ARAP1: variants seen among roughly 807,000 people sequenced by gnomAD.
ARAP1 encodes the protein ArfGAP with RhoGAP domain, ankyrin repeat and PH domain 1.
ARAP1 carries 76 observed loss-of-function variants against 172.2 expected under a neutral mutation model. The observed-to-expected ratio is 0.44, with a 90% confidence interval of 0.37 to 0.53. ARAP1 has a LOEUF of 0.53. Among genes scored for constraint, ARAP1 ranks in the 20% least tolerant of loss-of-function variants. ARAP1 has a pLI of 0.00. For missense variants in ARAP1, 1,686 were observed against 1,977.5 expected (o/e 0.85, Z 2.80); for synonymous variants, 804 against 803.3 (o/e 1.00, Z -0.01).
rs781112341 is a variant in ARAP1, at chr11:72,693,434, T to C, written c.3845A>G (p.Lys1282Arg). 15 of 1,613,656 alleles carry C rather than the reference T, an allele frequency of 9.3e-6. No individual in the cohort carries two copies. The highest frequency in any genetic ancestry group is 1.3e-5 in the Non-Finnish European group (15 of 1,179,768). Residue 1282 changes from lysine to arginine, a missense_variant, in exon 29 of 35, where the codon AAG becomes AGG. By Grantham distance (26) the Lys-to-Arg change is conservative (BLOSUM62 2). Transcript: ENST00000393609. The surrounding 1 kb of genome is among the most constrained non-coding windows in gnomAD (Gnocchi z 4.6). Reference sequence around the variant, plus strand: ...CAGGAGGCTGCGGTCCTCACGGAACTTCATCATGCCATGCTTGGTGTCACC... The same window carrying C: ...CAGGAGGCTGCGGTCCTCACGGAACCTCATCATGCCATGCTTGGTGTCACC... ...RVGDTKHGMMKFREDRSLLGL... is the reference protein window; with the variant it reads ...RVGDTKHGMMRFREDRSLLGL...
At position 72,703,032 on chromosome 11, in the gene ARAP1, C is replaced by A; in HGVS notation, c.2040G>T (p.Ala680=). ...VTTTDLAETQ[A]LLGCGAGINC... The stretch of plus-strand genomic sequence containing the variant: ...TGATCCCAGCCCCACAGCCCAGGAG[C>A]GCCTGGGTCTCAGCCAGGTCTGTGG... The change falls in exon 15 of 35, where the codon GCG becomes GCT. Residue 680 remains alanine, a synonymous_variant. Transcript: ENST00000393609. The A allele has an allele frequency of 6.3e-7, 1 of 1,596,390 alleles. No individual in the cohort carries two copies. Among genetic ancestry groups the A allele is most frequent in the Non-Finnish European group, 8.5e-7 (1 of 1,172,828 alleles).
chr11:72,713,653 C>T (rs1396512563), intron 4 of ARAP1, among the ~76,000 whole-genome samples: 1 of 152,092 alleles, frequency 6.6e-6, no homozygotes, highest in Non-Finnish European at 1.5e-5. Context: ...CGAGACCATC[C>T]TGGCTAACAC....
intron 19 of ARAP1, 30 bp downstream of exon 19, chr11:72,697,881 A>G: frequency 1.3e-6 from 2 of 1,537,528 alleles, no homozygotes; most frequent in South Asian, 2.5e-5. Flanking sequence ...GGTGCCCTGG[A>G]GGCTGGGGGC....
chr11:72,696,914 G>A, intron 22 of ARAP1, 69 bp downstream of exon 22: 1 of 1,490,678 alleles, frequency 6.7e-7, no homozygotes, highest in South Asian at 1.2e-5. Context: ...AGTGCCACAA[G>A]GGAAGGGCGC....
intron 1 of ARAP1, among the ~76,000 whole-genome samples, chr11:72,733,569 C>T (rs1005028798): frequency 2.0e-5 from 3 of 152,256 alleles, no homozygotes; most frequent in Middle Eastern, 3.4e-3. Flanking sequence ...GCTATGCAGA[C>T]AGCCGGAGCT....
chr11:72,693,478 G>A lies in ARAP1; in HGVS notation c.3809-8C>T, dbSNP rs1306242326. 1.2e-6 allele frequency: 2 copies of A among 1,611,832 alleles called. No homozygotes were observed. The highest frequency in any genetic ancestry group is 1.7e-6 in the Non-Finnish European group (2 of 1,178,690). On this transcript the variant is annotated splice_region_variant and splice_polypyrimidine_tract_variant and intron_variant, in intron 28 of 34. Transcript: ENST00000393609. The surrounding 1 kb of genome is among the most constrained non-coding windows in gnomAD (Gnocchi z 4.6). ...TGTCACCGACACGGCTGGCTGGGGG[G>A]TGGGACTGGAGTGGGCACAGGCTGC...
intron 3 of ARAP1, among the ~76,000 whole-genome samples, chr11:72,721,400 G>C (rs1591224285): frequency 6.6e-6 from 1 of 152,350 alleles, no homozygotes. Context: ...CCTTGAACTT[G>C]ACAGTGAAAT....
chr11:72,695,639 G>A lies in ARAP1; in HGVS notation c.3421-11C>T, dbSNP rs943225189. 6.2e-7 allele frequency: 1 copy of A among 1,614,008 alleles called. No individual in the cohort carries two copies. The highest frequency in any genetic ancestry group is 8.5e-7 in the Non-Finnish European group (1 of 1,179,996). On this transcript the variant is annotated splice_polypyrimidine_tract_variant and intron_variant, in intron 24 of 34. Transcript: ENST00000393609. The surrounding 1 kb of genome is among the most constrained non-coding windows in gnomAD (Gnocchi z 4.4). ...CTCTTCCTCATCCACCTGGGAAGGG[G>A]CGAGAGGCAGGGACAGGTGGTCACC...
In ARAP1 at chr11:72,695,095, G is replaced by A; in HGVS notation, c.3579C>T (p.Val1193=). ...KKAETEQHIK[V]PASMTAEELT... The stretch of plus-strand genomic sequence containing the variant: ...GCTCCTCAGCAGTCATGGATGCTGG[G>A]ACCTGCAAGGACCAAGGAGGAGATT... Residue 1193 remains valine, a splice_region_variant and synonymous_variant, in exon 27 of 35, where the codon GTC becomes GTT. Transcript: ENST00000393609. The surrounding 1 kb of genome is among the most constrained non-coding windows in gnomAD (Gnocchi z 4.4). 2 of 1,613,804 alleles carry A rather than the reference G, an allele frequency of 1.2e-6. No homozygotes were observed. Among genetic ancestry groups the A allele is most frequent in the South Asian group, 1.1e-5 (1 of 91,072 alleles).
intron 1 of ARAP1, among the ~76,000 whole-genome samples, chr11:72,742,409 T>C (rs1192739654): frequency 2.0e-5 from 3 of 152,100 alleles, no homozygotes; most frequent in Middle Eastern, 3.2e-3. Flanking sequence ...ATGTTACAGA[T>C]TAGGAAACAG....
At chr11:72,713,979 T>C (rs894056233) in intron 4 of ARAP1, among the ~76,000 whole-genome samples, 173 bp downstream of exon 4, 9 of 151,928 alleles carry the variant, frequency 5.9e-5, no homozygotes, top group African/African-American at 2.2e-4. Context: ...GTCTCCATTG[T>C]GAGGATGAAG....
rs199608630 is a variant in ARAP1, at chr11:72,702,913, C to A, written c.2159G>T (p.Arg720Leu). ...CCCTCTGCCACGCTCACCTGTGGTC[C>A]GGTTGTTCCGAAGGAATTCCATCTG... ...TLQMEFLRNN[R>L]TTEVPRLDSM... The change falls in exon 15 of 35, where the codon CGG (arginine) becomes CTG (leucine). Residue 720 changes from arginine (R) to leucine (L), a missense_variant. Physicochemically the swap from Arg to Leu is moderately radical, Grantham distance 102 (BLOSUM62 -2). Transcript: ENST00000393609. 4.1e-5 allele frequency: 64 copies of A among 1,554,108 alleles called. No homozygotes were observed. In the East Asian group the frequency reaches 1.4e-3, roughly 34 times the overall value.
rs1407649397 is a variant in ARAP1 at position 72,705,801 on chromosome 11, C to T, written c.1809+4G>A. 6.2e-7 allele frequency: 1 copy of T among 1,614,068 alleles called. No individual in the cohort carries two copies. Among genetic ancestry groups the T allele is most frequent in the Non-Finnish European group, 8.5e-7 (1 of 1,179,968 alleles). The stretch of plus-strand genomic sequence containing the variant: ...GTATCGGTGGCAAGCAGGGGCATCC[C>T]CACCTCGATAAGTGTTTCTGTCCAC... On this transcript the variant is annotated splice_donor_region_variant and intron_variant, in intron 13 of 34. Transcript: ENST00000393609.
rs1453575281 is a variant in ARAP1, at chr11:72,736,936, A to G, written c.-127-4339T>C. ...TGACTTCCTCCATGTCACTTCTCAC[A>G]GTAGGCACTGGCCTGGCAAACAGGG... On this transcript the variant is annotated intron_variant, in intron 1 of 34. Coordinates refer to ENST00000393609, the MANE Select transcript of ARAP1 (RefSeq NM_001040118.3). 3.3e-5 allele frequency among the ~76,000 whole-genome samples: 5 copies of G among 152,146 alleles called. No homozygotes were observed. In the East Asian group the frequency reaches 9.7e-4, roughly 29 times the overall value.
Position 72,727,094 on chromosome 11 carries a change from G to A in ARAP1, c.35C>T (p.Ala12Val). The A allele has an allele frequency of 1.3e-6, 2 of 1,595,800 alleles. No individual in the cohort carries two copies. The highest frequency in any genetic ancestry group is 1.3e-5 in the African/African-American group (1 of 74,724). ...AEAGDAALSV[A>V]EWLRALHLEQ... is the part of the protein sequence containing the mutation. ...CAGGTGCAATGCCCGCAGCCACTCGGCCACCGATAGCGCAGCATCCCCAGC... is the reference window on the plus strand; with the variant it reads ...CAGGTGCAATGCCCGCAGCCACTCGACCACCGATAGCGCAGCATCCCCAGC... The change falls in exon 3 of 35, where the codon GCC (alanine) becomes GTC (valine). Residue 12 changes from alanine (A) to valine (V), a missense_variant. Ala to Val is a moderately conservative substitution (Grantham distance 64, BLOSUM62 0). Around this residue, in one of 5 missense-constraint regions of ARAP1, gnomAD observed 190 missense variants for 228.6 expected, o/e 0.83. Transcript: ENST00000393609.
chr11:72,713,274 G>T, intron 4 of ARAP1, 31 bp from the exon 5 acceptor site: 2 of 1,605,294 alleles, frequency 1.2e-6, no homozygotes, highest in Non-Finnish European at 1.7e-6. Flanking sequence ...GGGCCTCAGG[G>T]CAAGGGGCCT....
intron 1 of ARAP1, among the ~76,000 whole-genome samples, chr11:72,751,665 G>C (rs1435432090): frequency 5.9e-5 from 9 of 152,008 alleles, no homozygotes; most frequent in African/African-American, 2.2e-4. Context: ...GTGGGGGAAG[G>C]GACGGTATAT....
intron 27 of ARAP1, among the ~76,000 whole-genome samples, chr11:72,694,075 G>A (rs1284304970): frequency 6.6e-6 from 1 of 150,516 alleles, no homozygotes; most frequent in East Asian, 2.0e-4. Context: ...CCTCCCTGTG[G>A]CCCCCATCAG....
Position 72,695,838 on chromosome 11 carries a change from C to G in ARAP1, c.3300G>C (p.Gln1100His), listed in dbSNP as rs1432853457. The G allele has an allele frequency of 3.1e-6, 5 of 1,613,682 alleles. No homozygotes were observed. In the African/African-American group the frequency reaches 4.0e-5, roughly 13 times the overall value. Residue 1100 changes from glutamine (Q) to histidine (H), a missense_variant, in exon 24 of 35, where the codon CAG (glutamine) becomes CAC (histidine). Around this residue, in one of 5 missense-constraint regions of ARAP1, gnomAD observed 379 missense variants for 500.1 expected, o/e 0.76. Transcript: ENST00000393609. This position sits in a 1 kb window ranked among gnomAD's most constrained non-coding sequence, Gnocchi z 4.4. ...YCVQCFSDTN[Q>H]MNVHNLAIVF... is the part of the protein sequence containing the mutation. ...CAATTGCCAGGTTGTGCACGTTCAT[C>G]TGGTTCGTGTCTGAGAAGCACTGAA...
Sources: gnomAD v4.1 joint callset for allele counts (sites outside exome capture counted in the v4.1 genomes callset) on GRCh38, gnomAD v4.1.1 for gene constraint, gnomAD v4.1.1 regional missense constraint, Gnocchi (gnomAD v3.1) non-coding constraint, MANE v1.5 for transcripts, NCBI Gene and HGNC (gene_info 2026-07-23, HGNC 2026-07-21) for gene names.